The following RBFOX1 variants were observed in gnomAD, a reference collection of about 807,000 sequenced individuals.
The protein encoded by RBFOX1 is RNA binding fox-1 homolog 1, also known as RNA binding protein fox-1 homolog 1.
In RBFOX1, 8 loss-of-function variants were observed where a neutral mutation model predicts 57.7. The ratio of observed to expected loss-of-function variants is 0.14; its 90% CI spans 0.08 to 0.25. The LOEUF (loss-of-function observed/expected upper bound fraction) is 0.25, where lower values mean the gene tolerates loss of function less well. Among genes scored for constraint, RBFOX1 ranks in the 10% least tolerant of loss-of-function variants. The probability of loss-of-function intolerance (pLI) is 1.00; values close to 1 mark genes in which losing one functional copy is unlikely to be tolerated. For missense variants in RBFOX1, 611 were observed against 548.5 expected (o/e 1.11, Z -1.14); for synonymous variants, 326 against 222.4 (o/e 1.47, Z -4.15).
intron 3 of RBFOX1, among the ~76,000 whole-genome samples, chr16:6,758,349 T>G (rs2076122678): frequency 6.6e-6 from 1 of 152,146 alleles, no homozygotes; most frequent in South Asian, 2.1e-4. Flanking sequence ...ATAATAGATT[T>G]ATCAAAGTAG....
At chr16:6,996,551 C>A (rs1596425102) in intron 3 of RBFOX1, among the ~76,000 whole-genome samples, 1 of 152,128 alleles carries the variant, frequency 6.6e-6, no homozygotes, top group South Asian at 2.1e-4. Context: ...ATTGTAAGTG[C>A]TTTCCAAATA....
At chr16:6,931,224 T>G (rs544737761) in intron 3 of RBFOX1, among the ~76,000 whole-genome samples, 1 of 151,664 alleles carries the variant, frequency 6.6e-6, no homozygotes, top group East Asian at 1.9e-4. Context: ...TCTCTACTGA[T>G]GGGAATTAAG....
intron 2 of RBFOX1, among the ~76,000 whole-genome samples, chr16:6,401,244 C>T (rs1180056915): frequency 6.6e-6 from 1 of 152,064 alleles, no homozygotes; most frequent in Non-Finnish European, 1.5e-5. Flanking sequence ...ATCCACTGGC[C>T]AGATCTGGGA....
Position 5,775,238 on chromosome 16 carries a change from C to G in RBFOX1, c.319-92065C>G, listed in dbSNP as rs1240571513. ...TCCCCAAATGTATCTCCTTACTCAA[C>G]CACCATAGCTGTTCCTAAGCTTCCC... On this transcript the variant is annotated intron_variant, in intron 3 of 19. Coordinates refer to the RBFOX1 transcript ENST00000641259. Among the ~76,000 whole-genome samples the G allele has an allele frequency of 2.0e-5, 3 of 152,176 alleles. No individual in the cohort carries two copies. The East Asian group carries it at 5.8e-4, about 29-fold the overall frequency.
intron 4 of RBFOX1, among the ~76,000 whole-genome samples, chr16:5,992,158 C>G (rs1459103922): frequency 6.6e-6 from 1 of 150,928 alleles, no homozygotes; most frequent in Non-Finnish European, 1.5e-5. Context: ...ATCAAAAATT[C>G]TGAAGAAAAA....
rs1324435899 is a variant in RBFOX1, at chr16:7,302,533, C to T, written c.28-215614C>T. Among the ~76,000 whole-genome samples the T allele has an allele frequency of 4.0e-5, 6 of 151,768 alleles. No individual in the cohort carries two copies. In the South Asian group the frequency reaches 6.2e-4, roughly 16 times the overall value. On this transcript the variant is annotated intron_variant, in intron 4 of 15. Coordinates refer to ENST00000550418, the MANE Select transcript of RBFOX1 (RefSeq NM_018723.4). ...CCCCATCCCCTCTCAGGTACGGTTC[C>T]GTCCTGCAGGTCAGTGAGAAGCTGT...
At chr16:6,663,693 A>T (rs556280194) in intron 3 of RBFOX1, among the ~76,000 whole-genome samples, 1 of 152,356 alleles carries the variant, frequency 6.6e-6, no homozygotes, top group African/African-American at 2.4e-5. Context: ...CCTTTGTTTA[A>T]GGCCGTTAGG....
chr16:5,528,351 T>G (rs1475512442), intron 2 of RBFOX1, among the ~76,000 whole-genome samples: 1 of 152,136 alleles, frequency 6.6e-6, no homozygotes, highest in Admixed American at 6.5e-5. Context: ...AATGCCCATT[T>G]TTAAAGGCAC....
intron 1 of RBFOX1, among the ~76,000 whole-genome samples, chr16:5,423,290 C>G (rs1443437758): frequency 6.6e-6 from 1 of 152,114 alleles, no homozygotes; most frequent in Non-Finnish European, 1.5e-5. Flanking sequence ...CATCTGTTCA[C>G]TAAACCACAG....
At chr16:6,047,536 A>G (rs746755567) in intron 1 of RBFOX1, among the ~76,000 whole-genome samples, 7 of 152,342 alleles carry the variant, frequency 4.6e-5, no homozygotes, top group Admixed American at 1.3e-4. Context: ...GCTGTCTTCC[A>G]TCTGCAGCAA....
intron 3 of RBFOX1, among the ~76,000 whole-genome samples, chr16:7,037,698 G>A (rs2044933245): frequency 2.6e-5 from 4 of 152,182 alleles, no homozygotes; most frequent in Admixed American, 2.6e-4. Context: ...ACCCTGTGGG[G>A]CACATGGGTA....
intron 2 of RBFOX1, among the ~76,000 whole-genome samples, chr16:6,637,262 C>A (rs1299140786): frequency 1.0e-4 from 4 of 38,252 alleles, no homozygotes; most frequent in East Asian, 7.3e-4. Flanking sequence ...ATATAATATA[C>A]AAATATATAT....
chr16:7,231,597 T>C (rs139496110), intron 4 of RBFOX1, among the ~76,000 whole-genome samples: 10 of 152,338 alleles, frequency 6.6e-5, no homozygotes, highest in African/African-American at 2.2e-4. Flanking sequence ...CAAATGCTTA[T>C]AACATCACCA....
chr16:6,375,608 A>T (rs1002221518), intron 2 of RBFOX1, among the ~76,000 whole-genome samples: 6 of 152,058 alleles, frequency 3.9e-5, no homozygotes, highest in Admixed American at 1.3e-4. Flanking sequence ...TAATGTGTGG[A>T]ATCATGTGAT....
At chr16:5,959,085 A>T (rs1221547371) in intron 4 of RBFOX1, among the ~76,000 whole-genome samples, 1 of 152,232 alleles carries the variant, frequency 6.6e-6, no homozygotes, top group East Asian at 1.9e-4. Flanking sequence ...CCTGGCACAG[A>T]GAAAGGCTTG....
chr16:5,898,058 A>C (rs988198392), intron 4 of RBFOX1, among the ~76,000 whole-genome samples: 1 of 152,136 alleles, frequency 6.6e-6, no homozygotes, highest in African/African-American at 2.4e-5. Flanking sequence ...TTGACTGGGT[A>C]GGCCTCAGGA....
chr16:7,543,828 C>G lies in RBFOX1; in HGVS notation c.270+25439C>G, dbSNP rs565552977. Among the ~76,000 whole-genome samples, 161 of 152,252 alleles carry G rather than the reference C, an allele frequency of 1.1e-3. 1 individual carries two copies. The highest frequency in any genetic ancestry group is 3.8e-3 in the African/African-American group (158 of 41,538). Reference sequence around the variant, plus strand: ...CTCTACCTCCTTGGTTCAAGTGATTCTCCTGCCTCACTCTCCCGAGTAGCT... The same window carrying G: ...CTCTACCTCCTTGGTTCAAGTGATTGTCCTGCCTCACTCTCCCGAGTAGCT... On this transcript the variant is annotated intron_variant, in intron 5 of 15. Transcript: ENST00000550418.
intron 4 of RBFOX1, among the ~76,000 whole-genome samples, chr16:7,333,648 C>T (rs949315325): frequency 2.0e-5 from 3 of 152,156 alleles, no homozygotes; most frequent in African/African-American, 7.2e-5. Flanking sequence ...AATCCCTTGC[C>T]AGATGTGTAC....
intron 3 of RBFOX1, among the ~76,000 whole-genome samples, chr16:6,945,431 G>A (rs890237059): frequency 1.3e-5 from 2 of 151,902 alleles, no homozygotes; most frequent in African/African-American, 4.8e-5. Flanking sequence ...ATCCAATGGT[G>A]CCAGATTTTA....
Sources: gnomAD v4.1 joint callset for allele counts (sites outside exome capture counted in the v4.1 genomes callset) on GRCh38, gnomAD v4.1.1 for gene constraint, MANE v1.5 for transcripts, NCBI Gene and HGNC (gene_info 2026-07-23, HGNC 2026-07-21) for gene names.